DCC: variants seen among roughly 807,000 people sequenced by gnomAD.
DCC encodes the protein DCC netrin 1 receptor, also known as netrin receptor DCC.
DCC carries 58 observed loss-of-function variants against 172.5 expected under a neutral mutation model. The observed-to-expected ratio is 0.34, with a 90% CI of 0.27 to 0.42. DCC has a LOEUF of 0.42. Among genes scored for constraint, DCC ranks in the 10% least tolerant of loss-of-function variants. DCC has a pLI of 1.00. For missense variants in DCC, 1,740 were observed against 1,791.0 expected (o/e 0.97, Z 0.51); for synonymous variants, 709 against 644.5 (o/e 1.10, Z -1.52).
At chr18:52,619,437 T>C (rs534922115) in intron 1 of DCC, among the ~76,000 whole-genome samples, 1 of 152,344 alleles carries the variant, frequency 6.6e-6, no homozygotes, top group South Asian at 2.1e-4. Flanking sequence ...AGGCAACTGC[T>C]TCTGGATTGG....
At chr18:52,582,843 G>A (rs1469698424) in intron 1 of DCC, among the ~76,000 whole-genome samples, 1 of 152,130 alleles carries the variant, frequency 6.6e-6, no homozygotes, top group African/African-American at 2.4e-5. Flanking sequence ...GGGAAAAGAG[G>A]GAAGAGAAGA....
chr18:52,647,754 GT>G, intron 1 of DCC, among the ~76,000 whole-genome samples: 1 of 152,322 alleles, frequency 6.6e-6, no homozygotes, highest in Middle Eastern at 3.4e-3. Context: ...ACTTTGTAAT[GT>G]TTTCTAAAGT....
chr18:53,177,281 G>A lies in DCC; in HGVS notation c.1419-1681G>A, dbSNP rs2055116510. ...ACCAGCATGGCACATGTATACATAT[G>A]TAACTAACCTGCACAATGTGCACAT... On this transcript the variant is annotated intron_variant, in intron 8 of 28. Transcript: ENST00000442544. Among the ~76,000 whole-genome samples the A allele has an allele frequency of 4.6e-5, 7 of 152,036 alleles. No individual in the cohort carries two copies. In the South Asian group the frequency reaches 1.5e-3, roughly 32 times the overall value.
intron 1 of DCC, among the ~76,000 whole-genome samples, chr18:52,353,329 A>G (rs1984211931): frequency 6.6e-6 from 1 of 152,132 alleles, no homozygotes; most frequent in Non-Finnish European, 1.5e-5. Context: ...TTCATTCCAT[A>G]GTTTCCCCTC....
chr18:52,836,695 C>G (rs1310215467), intron 2 of DCC, among the ~76,000 whole-genome samples: 1 of 152,200 alleles, frequency 6.6e-6, no homozygotes, highest in African/African-American at 2.4e-5. Context: ...ACAGCCCCCT[C>G]CTGGCTGCTT....
At chr18:53,030,060 A>G (rs144077027) in intron 5 of DCC, among the ~76,000 whole-genome samples, 228 of 152,296 alleles carry the variant, frequency 1.5e-3, no homozygotes, top group Non-Finnish European at 2.3e-3. Flanking sequence ...CCCCTAGTTT[A>G]ACCTTTTAAG....
intron 18 of DCC, 56 bp from the exon 19 acceptor site, chr18:53,402,730 A>G (rs529002405): frequency 3.8e-4 from 243 of 636,638 alleles, no homozygotes; most frequent in East Asian, 1.5e-3. Flanking sequence ...ATTTCCAACA[A>G]TGTTTATTTT....
At chr18:52,744,849 T>C (rs1312990569) in intron 1 of DCC, among the ~76,000 whole-genome samples, 1 of 152,164 alleles carries the variant, frequency 6.6e-6, no homozygotes, top group African/African-American at 2.4e-5. Flanking sequence ...ATTGTGGAAC[T>C]AAAATGGAAT....
chr18:53,527,170 T>C (rs920716159), intron 28 of DCC, among the ~76,000 whole-genome samples: 1 of 135,150 alleles, frequency 7.4e-6, no homozygotes, highest in Non-Finnish European at 1.6e-5. Flanking sequence ...CTTGGCATTC[T>C]TGGAAATAAA....
intron 7 of DCC, among the ~76,000 whole-genome samples, chr18:53,141,310 A>G (rs1049703431): frequency 1.3e-5 from 2 of 152,198 alleles, no homozygotes; most frequent in Admixed American, 6.5e-5. Flanking sequence ...GTATCCTCCA[A>G]AATAAATTGG....
intron 5 of DCC, among the ~76,000 whole-genome samples, chr18:52,927,145 A>ACACG (rs1568192186): frequency 2.3e-4 from 17 of 74,540 alleles, no homozygotes; most frequent in African/African-American, 3.6e-4. Flanking sequence ...ACGTGTATAT[A>ACACG]TGTGTATATA....
intron 1 of DCC, among the ~76,000 whole-genome samples, chr18:52,365,272 G>A (rs371718576): frequency 1.3e-5 from 2 of 152,172 alleles, no homozygotes; most frequent in African/African-American, 2.4e-5. Flanking sequence ...GACTGTTCTC[G>A]TTATTGTATT....
chr18:53,327,268 A>G (rs902664882), intron 14 of DCC, among the ~76,000 whole-genome samples: 7 of 152,272 alleles, frequency 4.6e-5, no homozygotes, highest in Admixed American at 3.3e-4. Context: ...ACAGCTGGGA[A>G]GTTTTAAAAT....
intron 1 of DCC, among the ~76,000 whole-genome samples, chr18:52,672,488 A>G (rs143527284): frequency 5.1e-4 from 78 of 152,040 alleles, no homozygotes; most frequent in South Asian, 1.7e-3. Flanking sequence ...AAAACAGTTC[A>G]TTTTCTCCCG....
At chr18:52,876,916 G>C (rs2039412008) in intron 2 of DCC, among the ~76,000 whole-genome samples, 1 of 152,168 alleles carries the variant, frequency 6.6e-6, no homozygotes, top group African/African-American at 2.4e-5. Context: ...CCCTAGAATA[G>C]TGTTGCTAGA....
chr18:53,529,684 C>T (rs938341878), intron 28 of DCC, among the ~76,000 whole-genome samples: 1 of 152,178 alleles, frequency 6.6e-6, no homozygotes, highest in African/African-American at 2.4e-5. Context: ...ATTTCCCCAT[C>T]TGGCTAACTA....
chr18:53,231,196 G>A (rs1463820073), intron 12 of DCC, among the ~76,000 whole-genome samples: 1 of 152,002 alleles, frequency 6.6e-6, no homozygotes, highest in African/African-American at 2.4e-5. Context: ...ACATTGATGG[G>A]AAGTGATGCT....
chr18:53,241,474 G>T (rs749367203), intron 12 of DCC, among the ~76,000 whole-genome samples: 2 of 152,140 alleles, frequency 1.3e-5, no homozygotes, highest in Non-Finnish European at 2.9e-5. Flanking sequence ...AGGGAGCTCT[G>T]AACCAAAGCT....
intron 5 of DCC, among the ~76,000 whole-genome samples, chr18:53,023,985 G>T (rs1194457902): frequency 6.6e-6 from 1 of 152,084 alleles, no homozygotes; most frequent in African/African-American, 2.4e-5. Context: ...TTCAGTTATG[G>T]TTCAGATGAA....
Sources: gnomAD v4.1 joint callset for allele counts (sites outside exome capture counted in the v4.1 genomes callset) on GRCh38, gnomAD v4.1.1 for gene constraint, MANE v1.5 for transcripts, NCBI Gene and HGNC (gene_info 2026-07-23, HGNC 2026-07-21) for gene names.